The following AK5 variants were observed in gnomAD, a reference collection of about 807,000 sequenced individuals.
AK5 encodes the protein adenylate kinase isoenzyme 5.
In AK5, 27 loss-of-function variants were observed where a neutral mutation model predicts 69.5. The observed-to-expected ratio is 0.39, with a 90% CI of 0.29 to 0.54. The LOEUF is 0.54. Among genes scored for constraint, AK5 ranks in the 20% least tolerant of loss-of-function variants. AK5 has a pLI of 0.71. For synonymous variants in AK5, 260 were observed against 244.4 expected (o/e 1.06, Z -0.60); for missense variants, 531 against 700.4 (o/e 0.76, Z 2.73).
At chr1:77,547,273 T>TTC (rs1205622715) in intron 13 of AK5, among the ~76,000 whole-genome samples, 7 of 135,056 alleles carry the variant, frequency 5.2e-5, no homozygotes, top group South Asian at 5.0e-4. Context: ...AAAGTTCTCT[T>TTC]TTTTTTTTTT....
At chr1:77,470,849 A>ATTTTTT (rs1557615573) in intron 8 of AK5, among the ~76,000 whole-genome samples, 1 of 2,066 alleles carries the variant, frequency 4.8e-4, no homozygotes, top group Non-Finnish European at 1.4e-3. Context: ...ATATATATAT[A>ATTTTTT]TATATATATA....
At chr1:77,288,728 A>G (rs1162490755) in intron 2 of AK5, among the ~76,000 whole-genome samples, 1 of 152,186 alleles carries the variant, frequency 6.6e-6, no homozygotes, top group East Asian at 1.9e-4. Context: ...ATTTAAAACT[A>G]ATTTTAGAAA....
intron 8 of AK5, among the ~76,000 whole-genome samples, chr1:77,478,102 T>C (rs545676861): frequency 6.6e-6 from 1 of 152,296 alleles, no homozygotes; most frequent in Non-Finnish European, 1.5e-5. Flanking sequence ...TCTTGTGCCA[T>C]GGGAAGCCCA....
Position 77,417,655 on chromosome 1 carries a change from T to C in AK5, c.999T>C (p.Asp333=). ...TAATCTTAGGTTCAAGTGACCTTGA[T>C]CCTTCGATGATATTGGACACTGGAG... ...KEAAAGSSDL[D]PSMILDTGEI... is the part of the protein sequence containing the mutation. The change falls in exon 8 of 14, where the codon GAT becomes GAC. Residue 333 remains aspartate, a synonymous_variant. Coordinates refer to ENST00000354567, the MANE Select transcript of AK5 (RefSeq NM_174858.3). 1 of 1,606,854 alleles carries C rather than the reference T, an allele frequency of 6.2e-7. No individual in the cohort carries two copies.
chr1:77,498,840 T>A (rs1332641390), intron 10 of AK5, among the ~76,000 whole-genome samples: 1 of 152,252 alleles, frequency 6.6e-6, no homozygotes, highest in African/African-American at 2.4e-5. Flanking sequence ...CCTGTTTGTT[T>A]CCTCAATGTT....
chr1:77,358,018 T>TGTGTGTGTGTGTGTGTGTGTGA (rs762714026), intron 6 of AK5, among the ~76,000 whole-genome samples: 1,328 of 128,192 alleles, frequency 0.01, 11 homozygotes, highest in East Asian at 0.023. Context: ...TGTGTGTGTG[T>TGTGTGTGTGTGTGTGTGTGTGA]GAGAGAGAGA....
intron 12 of AK5, among the ~76,000 whole-genome samples, chr1:77,526,816 A>G (rs1419236832): frequency 2.0e-5 from 3 of 151,440 alleles, no homozygotes; most frequent in Non-Finnish European, 4.4e-5. Context: ...GTGGTAGAAC[A>G]TTCTCTTGAA....
chr1:77,300,375 AT>A (rs1659265913), intron 5 of AK5, among the ~76,000 whole-genome samples: 1 of 152,192 alleles, frequency 6.6e-6, no homozygotes, highest in Non-Finnish European at 1.5e-5. Flanking sequence ...TTAGGTTGAC[AT>A]TCCAGCAGCC....
chr1:77,510,820 A>T (rs1018199009), intron 10 of AK5, among the ~76,000 whole-genome samples: 1 of 151,958 alleles, frequency 6.6e-6, no homozygotes, highest in African/African-American at 2.4e-5. Context: ...CAGATCCCAT[A>T]CTCAGATACC....
chr1:77,508,703 C>T (rs1570280400), intron 10 of AK5, among the ~76,000 whole-genome samples: 1 of 152,012 alleles, frequency 6.6e-6, no homozygotes, highest in Non-Finnish European at 1.5e-5. Context: ...CCCGTCTCTA[C>T]TAAAAATACG....
At chr1:77,431,276 C>T (rs1211876756) in intron 8 of AK5, among the ~76,000 whole-genome samples, 1 of 152,190 alleles carries the variant, frequency 6.6e-6, no homozygotes, top group Non-Finnish European at 1.5e-5. Context: ...GCCCATTTGA[C>T]ATTAGTGACT....
chr1:77,461,322 C>T (rs1414443705), intron 8 of AK5, among the ~76,000 whole-genome samples: 4 of 151,642 alleles, frequency 2.6e-5, no homozygotes, highest in African/African-American at 9.7e-5. Flanking sequence ...CGTGAGCCAC[C>T]GCACCCGGCC....
chr1:77,306,206 A>G (rs1406253626), intron 5 of AK5, among the ~76,000 whole-genome samples: 1 of 152,150 alleles, frequency 6.6e-6, no homozygotes, highest in East Asian at 1.9e-4. Flanking sequence ...GTATGATACT[A>G]GCTGTGGGTC....
At chr1:77,535,392 T>C (rs1310330596) in intron 12 of AK5, among the ~76,000 whole-genome samples, 2 of 152,086 alleles carry the variant, frequency 1.3e-5, no homozygotes, top group African/African-American at 4.8e-5. Context: ...GCTAAAGCAT[T>C]ATGCCCCACT....
chr1:77,438,395 T>C (rs1259335803), intron 8 of AK5, among the ~76,000 whole-genome samples: 1 of 150,688 alleles, frequency 6.6e-6, no homozygotes, highest in Non-Finnish European at 1.5e-5. Flanking sequence ...AAAAACCATG[T>C]AGCTGGCTGG....
At chr1:77,462,528 T>C (rs1257151790) in intron 8 of AK5, among the ~76,000 whole-genome samples, 2 of 152,174 alleles carry the variant, frequency 1.3e-5, no homozygotes, top group Admixed American at 1.3e-4. Flanking sequence ...ATCTTTTTAT[T>C]ATAAATTCTT....
chr1:77,317,424 CT>C (rs961534276), intron 5 of AK5, among the ~76,000 whole-genome samples: 8 of 151,318 alleles, frequency 5.3e-5, no homozygotes, highest in Admixed American at 2.0e-4. Flanking sequence ...TTAGAATCCA[CT>C]TTTTTTTTAA....
At chr1:77,312,766 A>G (rs1221151570) in intron 5 of AK5, among the ~76,000 whole-genome samples, 1 of 151,974 alleles carries the variant, frequency 6.6e-6, no homozygotes, top group Non-Finnish European at 1.5e-5. Flanking sequence ...CCTCCATTAC[A>G]CGTACTGTCT....
At chr1:77,391,103 G>A (rs1041197184) in intron 6 of AK5, among the ~76,000 whole-genome samples, 5 of 152,144 alleles carry the variant, frequency 3.3e-5, no homozygotes, top group Admixed American at 2.0e-4. Flanking sequence ...GTCATTGAGC[G>A]AAGGGAAAAG....
Sources: gnomAD v4.1 joint callset for allele counts (sites outside exome capture counted in the v4.1 genomes callset) on GRCh38, gnomAD v4.1.1 for gene constraint, MANE v1.5 for transcripts, NCBI Gene and HGNC (gene_info 2026-07-23, HGNC 2026-07-21) for gene names.